The following PRKCH variants were observed in gnomAD, a reference collection of about 807,000 sequenced individuals.
PRKCH encodes the protein protein kinase C eta, also known as protein kinase C eta type.
Under a neutral mutation model 82.5 loss-of-function variants are expected in PRKCH, and 28 were observed. That is an observed-to-expected ratio of 0.34 (90% confidence interval 0.25 to 0.47). The LOEUF is 0.47. PRKCH is among the 20% of genes least tolerant of loss of function. The pLI is 1.00. For missense variants in PRKCH, 705 were observed against 881.8 expected (o/e 0.80, Z 2.54); for synonymous variants, 322 against 327.4 (o/e 0.98, Z 0.18).
chr14:61,510,296 G>A lies in PRKCH; in HGVS notation c.1434-18779G>A, dbSNP rs187258929. On this transcript the variant is annotated intron_variant, in intron 10 of 13. Transcript: ENST00000332981. ...AAGAGACTAACGGGAAATAAATGCA[G>A]TGTGTTAGAGTAAGTAACAGAGGAG... Among the ~76,000 whole-genome samples, 332 of 152,282 alleles carry A rather than the reference G, an allele frequency of 2.2e-3. 1 individual carries two copies. The highest frequency in any genetic ancestry group is 3.7e-3 in the South Asian group (18 of 4,824).
intron 1 of PRKCH, among the ~76,000 whole-genome samples, chr14:61,235,004 G>A (rs910949069): frequency 6.6e-5 from 10 of 152,198 alleles, no homozygotes; most frequent in African/African-American, 2.4e-4. Context: ...ACTGCTGCAT[G>A]ACCCCCGTAT....
chr14:61,235,812 G>T (rs1358506485), intron 1 of PRKCH, among the ~76,000 whole-genome samples: 1 of 152,146 alleles, frequency 6.6e-6, no homozygotes, highest in African/African-American at 2.4e-5. Flanking sequence ...ATGACTCTGG[G>T]GCTGCCACAT....
chr14:61,438,006 A>G (rs987457569), intron 2 of PRKCH, among the ~76,000 whole-genome samples: 9 of 152,274 alleles, frequency 5.9e-5, no homozygotes, highest in Non-Finnish European at 1.3e-4. Flanking sequence ...ACACTAGGTA[A>G]GTTACTACCT....
intron 10 of PRKCH, among the ~76,000 whole-genome samples, chr14:61,488,473 A>G (rs1431231644): frequency 1.3e-5 from 2 of 152,252 alleles, no homozygotes; most frequent in Non-Finnish European, 2.9e-5. Context: ...CAAAGACTTC[A>G]TCACCAGACT....
intron 1 of PRKCH, among the ~76,000 whole-genome samples, chr14:61,378,371 T>C (rs1229128749): frequency 6.6e-6 from 1 of 151,860 alleles, no homozygotes; most frequent in East Asian, 1.9e-4. Context: ...TACCACCACA[T>C]CTGGCTAATT....
Position 61,362,755 on chromosome 14 carries a change from G to A in PRKCH, c.364-28470G>A, listed in dbSNP as rs1046238376. The stretch of plus-strand genomic sequence containing the variant: ...TTCTGTTGAAGCTCCATAATGTGTC[G>A]ATGACCCTCTTTGCATCTGAGGCTG... On this transcript the variant is annotated intron_variant, in intron 1 of 13. Coordinates refer to ENST00000332981, the MANE Select transcript of PRKCH (RefSeq NM_006255.5). Among the ~76,000 whole-genome samples, 5 of 152,304 alleles carry A rather than the reference G, an allele frequency of 3.3e-5. No homozygotes were observed. In the South Asian group the frequency reaches 8.3e-4, roughly 25 times the overall value.
At chr14:61,309,542 G>T (rs776433873) in intron 1 of PRKCH, among the ~76,000 whole-genome samples, 11 of 152,158 alleles carry the variant, frequency 7.2e-5, no homozygotes, top group Non-Finnish European at 1.5e-4. Context: ...TATATGATTT[G>T]TCCAAGGCCA....
Position 61,530,588 on chromosome 14 carries a change from T to A in PRKCH, c.1754T>A (p.Leu585Gln). The A allele has an allele frequency of 6.3e-7, 1 of 1,592,374 alleles. No homozygotes were observed. Among genetic ancestry groups the A allele is most frequent in the Non-Finnish European group, 8.6e-7 (1 of 1,167,032 alleles). Residue 585 changes from leucine to glutamine, a missense_variant, in exon 12 of 14, where the codon CTA becomes CAA. By Grantham distance (113) the Leu-to-Gln change is moderately radical. Coordinates refer to ENST00000332981, the MANE Select transcript of PRKCH (RefSeq NM_006255.5). The part of the protein sequence containing the change: ...TWLHEDATGI[L>Q]KSFMTKNPTM... ...CTCCATGAAGATGCCACAGGGATCC[T>A]AAAATCTGTAAGTTTGGCTTACCCA... is the stretch of plus-strand genomic sequence containing the variant.
chr14:61,324,141 C>T (rs970271819), intron 1 of PRKCH, among the ~76,000 whole-genome samples: 1 of 152,166 alleles, frequency 6.6e-6, no homozygotes, highest in Admixed American at 6.5e-5. Context: ...AGTATGCAGT[C>T]GAGGTGGAGA....
intron 12 of PRKCH, among the ~76,000 whole-genome samples, chr14:61,541,306 C>A (rs2140030294): frequency 6.6e-6 from 1 of 152,370 alleles, no homozygotes; most frequent in African/African-American, 2.4e-5. Context: ...TCTCGTCAGC[C>A]CCAGGTGGCC....
At chr14:61,275,235 T>C (rs2045191492) in intron 1 of PRKCH, among the ~76,000 whole-genome samples, 1 of 152,238 alleles carries the variant, frequency 6.6e-6, no homozygotes, top group Admixed American at 6.5e-5. Context: ...CACCTACTTT[T>C]ATAGAGTTCT....
intron 12 of PRKCH, among the ~76,000 whole-genome samples, chr14:61,540,861 T>G (rs1034210508): frequency 6.6e-6 from 1 of 152,162 alleles, no homozygotes; most frequent in Non-Finnish European, 1.5e-5. Flanking sequence ...TCTTGGCTCG[T>G]CCAGTATTCC....
chr14:61,259,348 G>T (rs2045026025), intron 1 of PRKCH, among the ~76,000 whole-genome samples: 1 of 152,140 alleles, frequency 6.6e-6, no homozygotes, highest in African/African-American at 2.4e-5. Context: ...GTTATCAAAA[G>T]CATTTTCTGG....
intron 1 of PRKCH, among the ~76,000 whole-genome samples, chr14:61,348,225 G>A (rs546655209): frequency 1.3e-5 from 2 of 152,308 alleles, no homozygotes; most frequent in African/African-American, 2.4e-5. Context: ...AGAGCAGGGG[G>A]CCAGAGAGAG....
At chr14:61,485,411 C>T in intron 9 of PRKCH, 91 bp from the exon 10 acceptor site, 3 of 1,462,896 alleles carry the variant, frequency 2.1e-6, no homozygotes, top group Non-Finnish European at 2.8e-6. Context: ...ACAGTGTCCT[C>T]TCTATGCCAC....
intron 1 of PRKCH, among the ~76,000 whole-genome samples, chr14:61,256,838 T>C (rs1316897180): frequency 2.0e-5 from 3 of 152,230 alleles, no homozygotes; most frequent in African/African-American, 7.2e-5. Flanking sequence ...TGCTTGCCTC[T>C]GTCAATGGCT....
chr14:61,499,260 T>G (rs17098582), intron 10 of PRKCH, among the ~76,000 whole-genome samples: 6,323 of 152,292 alleles, frequency 0.042, 436 homozygotes, highest in African/African-American at 0.15. Flanking sequence ...CTTGCAAATG[T>G]CAAATTGTAC....
chr14:61,202,019 C>A (rs1261388845), intron 1 of PRKCH, among the ~76,000 whole-genome samples: 1 of 152,072 alleles, frequency 6.6e-6, no homozygotes, highest in Non-Finnish European at 1.5e-5. Context: ...AAGAACCATG[C>A]CCATATTATT....
intron 6 of PRKCH, among the ~76,000 whole-genome samples, chr14:61,452,364 C>T (rs1210052184): frequency 1.3e-5 from 2 of 152,158 alleles, no homozygotes; most frequent in African/African-American, 4.8e-5. Context: ...CCCCACAAAA[C>T]CTGGATCTGT....
Sources: gnomAD v4.1 joint callset for allele counts (sites outside exome capture counted in the v4.1 genomes callset) on GRCh38, gnomAD v4.1.1 for gene constraint, MANE v1.5 for transcripts, NCBI Gene and HGNC (gene_info 2026-07-23, HGNC 2026-07-21) for gene names.